TANC2: variants seen among roughly 807,000 people sequenced by gnomAD.
The protein encoded by TANC2 is protein TANC2.
Under a neutral mutation model 210.5 loss-of-function variants are expected in TANC2, and 26 were observed. The observed-to-expected ratio is 0.12, with a 90% CI of 0.09 to 0.17. The LOEUF (loss-of-function observed/expected upper bound fraction) is 0.17, where lower values mean the gene tolerates loss of function less well. Ranked by LOEUF, TANC2 falls within the 10% of genes least tolerant of loss-of-function variation. TANC2 has a pLI of 1.00. For missense variants in TANC2, 2,129 were observed against 2,608.9 expected, an observed-to-expected ratio of 0.82 and a Z score of 4.01; for synonymous variants, 931 against 967.1, an observed-to-expected ratio of 0.96 and a Z score of 0.69.
At chr17:63,020,494 G>A (rs1392259816) in intron 2 of TANC2, among the ~76,000 whole-genome samples, 1 of 152,018 alleles carries the variant, frequency 6.6e-6, no homozygotes, top group Non-Finnish European at 1.5e-5. Flanking sequence ...TTATAGAGAC[G>A]AGGTCTTATG....
rs185250929 is a variant in TANC2, at chr17:62,976,534, T to A, written c.-24+9785T>A. 4.0e-5 allele frequency among the ~76,000 whole-genome samples: 6 copies of A among 151,556 alleles called. No individual in the cohort carries two copies. The East Asian group carries it at 7.7e-4, about 20-fold the overall frequency. ...CAGTGTAAAATAATATATTGGAAAA[T>A]TTTGCCCCTTTTTCTGTGGTATAAT... On this transcript the variant is annotated intron_variant, in intron 1 of 27. Coordinates refer to ENST00000689528, the Ensembl canonical transcript of TANC2.
intron 1 of TANC2, among the ~76,000 whole-genome samples, chr17:62,991,956 T>C (rs1183079804): frequency 6.6e-6 from 1 of 152,146 alleles, no homozygotes; most frequent in Admixed American, 6.5e-5. Flanking sequence ...TGACCCTTTG[T>C]GTGTGGGGTT....
intron 2 of TANC2, among the ~76,000 whole-genome samples, chr17:63,022,067 G>A (rs1025803421): frequency 7.9e-5 from 12 of 152,062 alleles, no homozygotes; most frequent in Admixed American, 3.3e-4. Context: ...TAGGCCGGGC[G>A]CGGTGGGTCA....
In TANC2 at chr17:63,186,598, C is replaced by T. The variant is rs574364211; in HGVS notation, c.434-7393C>T. Among the ~76,000 whole-genome samples, 295 of 152,124 alleles carry T rather than the reference C, an allele frequency of 1.9e-3. 3 individuals carry two copies. Among genetic ancestry groups the T allele is most frequent in the South Asian group, 8.1e-3 (39 of 4,804 alleles). On this transcript the variant is annotated intron_variant, in intron 5 of 27. Transcript: ENST00000689528. ...AAACTCCTGACCTCAGGTGATCCAC[C>T]CCCCGCTTCAGCCTCCCAAAGTGCT...
intron 4 of TANC2, among the ~76,000 whole-genome samples, chr17:63,100,450 A>T (rs985294676): frequency 6.6e-6 from 1 of 152,042 alleles, no homozygotes; most frequent in African/African-American, 2.4e-5. Context: ...TCATTAGATT[A>T]AAAAAATAGG....
chr17:63,101,386 C>A (rs2037615208), intron 4 of TANC2, among the ~76,000 whole-genome samples: 1 of 152,158 alleles, frequency 6.6e-6, no homozygotes, highest in South Asian at 2.1e-4. Flanking sequence ...TCCATACATT[C>A]AAACTTTCAA....
At chr17:63,351,500 A>G in intron 13 of TANC2, 84 bp downstream of exon 13, 1 of 1,141,660 alleles carries the variant, frequency 8.8e-7, no homozygotes, top group Non-Finnish European at 1.2e-6. Flanking sequence ...CTAGTTTCAT[A>G]AACTTCTACT....
intron 3 of TANC2, among the ~76,000 whole-genome samples, chr17:63,089,766 T>C (rs909116721): frequency 1.3e-5 from 2 of 152,146 alleles, no homozygotes; most frequent in Non-Finnish European, 2.9e-5. Flanking sequence ...AAATTATGCA[T>C]TGTTATTGTG....
At chr17:63,168,218 C>G (rs2040282618) in intron 5 of TANC2, among the ~76,000 whole-genome samples, 1 of 152,076 alleles carries the variant, frequency 6.6e-6, no homozygotes, top group Admixed American at 6.6e-5. Context: ...AAAGAAAAAT[C>G]AAAGAAGGCA....
intron 11 of TANC2, chr17:63,320,546 A>C (rs1342357316): frequency 6.6e-6 from 1 of 152,188 alleles, no homozygotes; most frequent in Non-Finnish European, 1.5e-5. Flanking sequence ...TTCTAAAAGC[A>C]TCATTATTCT....
chr17:63,244,369 C>A (rs1479370497), intron 8 of TANC2, among the ~76,000 whole-genome samples: 1 of 152,140 alleles, frequency 6.6e-6, no homozygotes, highest in African/African-American at 2.4e-5. Flanking sequence ...ATCCCATTAC[C>A]ATTCTTCAAA....
intron 25 of TANC2, chr17:63,414,133 G>A (rs2048789183): frequency 6.6e-6 from 1 of 152,426 alleles, no homozygotes; most frequent in African/African-American, 2.4e-5. Context: ...AACAAAAACT[G>A]TGGAGGCTTT....
chr17:63,271,717 C>G (rs1315024289), intron 9 of TANC2, among the ~76,000 whole-genome samples: 1 of 148,254 alleles, frequency 6.7e-6, no homozygotes, highest in Non-Finnish European at 1.5e-5. Context: ...TGTTTGTCTT[C>G]TTTTGAAAAG....
chr17:63,257,074 A>ATTTTTTTTTTTTTTTT (rs58464562), intron 8 of TANC2, among the ~76,000 whole-genome samples: 1 of 126,066 alleles, frequency 7.9e-6, no homozygotes, highest in Admixed American at 7.8e-5. Flanking sequence ...GTTGGTTGGT[A>ATTTTTTTTTTTTTTTT]TTTTTTTTTT....
intron 9 of TANC2, among the ~76,000 whole-genome samples, chr17:63,295,269 G>A (rs1274732661): frequency 1.3e-5 from 2 of 152,078 alleles, no homozygotes; most frequent in Non-Finnish European, 2.9e-5. Context: ...TGAGGCTTTT[G>A]TGAATTAATT....
intron 17 of TANC2, among the ~76,000 whole-genome samples, chr17:63,393,924 C>G (rs572657194): frequency 6.6e-6 from 1 of 152,068 alleles, no homozygotes; most frequent in East Asian, 1.9e-4. Context: ...GCACCCACCA[C>G]CACACCCAGC....
intron 1 of TANC2, among the ~76,000 whole-genome samples, chr17:62,973,828 A>G (rs1372066426): frequency 6.6e-6 from 1 of 152,212 alleles, no homozygotes; most frequent in African/African-American, 2.4e-5. Context: ...AAGCAGTTGA[A>G]AAGATATCAA....
exon 14 of TANC2, chr17:63,354,968 C>G: frequency 6.2e-7 from 1 of 1,613,896 alleles, no homozygotes; most frequent in Non-Finnish European, 8.5e-7. Flanking sequence ...GTTCTCATCT[C>G]AAGACCCTCA....
Position 63,196,722 on chromosome 17 carries a change from A to G in TANC2, c.582+2583A>G, listed in dbSNP as rs145319152. Among the ~76,000 whole-genome samples, 23 of 152,204 alleles carry G rather than the reference A, an allele frequency of 1.5e-4. No individual in the cohort carries two copies. The East Asian group carries it at 3.9e-3, about 26-fold the overall frequency. ...TTTGTAAATTTGGATGTGTCACTTAACCTCTCTGAGCTTTATATTTTTCAT... is the reference window on the plus strand; with the variant it reads ...TTTGTAAATTTGGATGTGTCACTTAGCCTCTCTGAGCTTTATATTTTTCAT... On this transcript the variant is annotated intron_variant, in intron 6 of 27. Coordinates refer to ENST00000689528, the Ensembl canonical transcript of TANC2.
Sources: gnomAD v4.1 joint callset for allele counts (sites outside exome capture counted in the v4.1 genomes callset) on GRCh38, gnomAD v4.1.1 for gene constraint, MANE v1.5 for transcripts, NCBI Gene and HGNC (gene_info 2026-07-23, HGNC 2026-07-21) for gene names.